The following DNAH14 variants were observed in gnomAD, a reference collection of about 807,000 sequenced individuals.
DNAH14 encodes the protein axonemal beta dynein heavy chain 14.
Under a neutral mutation model 520.9 loss-of-function variants are expected in DNAH14, and 478 were observed. That is an observed-to-expected ratio of 0.92 (90% CI 0.85 to 0.99). The LOEUF is 0.99. Ranked by LOEUF, DNAH14 falls within the 50% of genes least tolerant of loss-of-function variation. The probability of loss-of-function intolerance (pLI) is 0.00; values close to 1 mark genes in which losing one functional copy is unlikely to be tolerated. For synonymous variants in DNAH14, 1,581 were observed against 1,757.2 expected, an observed-to-expected ratio of 0.90 and a Z score of 2.51; for missense variants, 4,831 against 5,234.5, an observed-to-expected ratio of 0.92 and a Z score of 2.38.
chr1:225,006,678 T>G (rs956268603), intron 9 of DNAH14, among the ~76,000 whole-genome samples: 1 of 152,196 alleles, frequency 6.6e-6, no homozygotes, highest in African/African-American at 2.4e-5. Flanking sequence ...CTTAAGACAT[T>G]TATCGATGAC....
intron 3 of DNAH14, among the ~76,000 whole-genome samples, chr1:224,955,482 C>G (rs1484821118): frequency 6.6e-6 from 1 of 152,102 alleles, no homozygotes; most frequent in Non-Finnish European, 1.5e-5. Context: ...ATTGGTCTTA[C>G]CTACTAGTGT....
intron 55 of DNAH14, among the ~76,000 whole-genome samples, chr1:225,294,172 C>T (rs544712260): frequency 3.0e-4 from 46 of 152,046 alleles, no homozygotes; most frequent in Admixed American, 7.2e-4. Context: ...TTATTTAATG[C>T]CTTTTCAGCA....
intron 17 of DNAH14, among the ~76,000 whole-genome samples, chr1:225,069,448 A>G (rs1243785364): frequency 6.6e-6 from 1 of 152,146 alleles, no homozygotes; most frequent in South Asian, 2.1e-4. Context: ...CATTTTCTGC[A>G]TCTCTTAGAT....
intron 23 of DNAH14, among the ~76,000 whole-genome samples, chr1:225,107,126 G>T (rs573820049): frequency 8.5e-5 from 13 of 152,312 alleles, no homozygotes; most frequent in African/African-American, 2.4e-4. Context: ...GTCTGTTGGA[G>T]TTTGCCGGAG....
intron 52 of DNAH14, among the ~76,000 whole-genome samples, chr1:225,274,759 G>A (rs987098357): frequency 4.6e-5 from 7 of 152,146 alleles, no homozygotes; most frequent in Admixed American, 3.9e-4. Flanking sequence ...GGACAGCAAA[G>A]GCAACTACAG....
chr1:225,289,481 A>G (rs2093817307), intron 54 of DNAH14, among the ~76,000 whole-genome samples: 1 of 152,196 alleles, frequency 6.6e-6, no homozygotes, highest in Non-Finnish European at 1.5e-5. Flanking sequence ...TTACTTTGCC[A>G]TTATTCCCCA....
intron 21 of DNAH14, among the ~76,000 whole-genome samples, chr1:225,087,560 T>A (rs3101908): frequency 0.93 from 141,746 of 152,262 alleles, 66,192 homozygotes; most frequent in Non-Finnish European, 0.96. Context: ...TCCCTGAGAG[T>A]TGAGAAACAA....
At chr1:225,352,995 C>T (rs1393465846) in intron 72 of DNAH14, among the ~76,000 whole-genome samples, 5 of 151,996 alleles carry the variant, frequency 3.3e-5, no homozygotes, top group Non-Finnish European at 1.5e-5. Context: ...TCTTTATTGA[C>T]CCTTTTTGTA....
intron 79 of DNAH14, among the ~76,000 whole-genome samples, chr1:225,378,900 AAAAG>A (rs2095742507): frequency 6.6e-6 from 1 of 151,206 alleles, no homozygotes; most frequent in African/African-American, 2.4e-5. Context: ...AAAGAAAAGA[AAAAG>A]AAAAATCAGT....
chr1:225,299,917 C>T (rs1394518443), intron 55 of DNAH14, among the ~76,000 whole-genome samples: 2 of 152,176 alleles, frequency 1.3e-5, no homozygotes, highest in African/African-American at 4.8e-5. Flanking sequence ...CCTTCCCCAC[C>T]TGAACTGAAA....
At chr1:225,143,943 A>T (rs1029642179) in intron 28 of DNAH14, among the ~76,000 whole-genome samples, 8 of 152,346 alleles carry the variant, frequency 5.3e-5, no homozygotes, top group African/African-American at 1.9e-4. Context: ...CATGATATAA[A>T]TACAAATCAA....
chr1:225,311,713 C>T (rs2094368977), intron 60 of DNAH14, among the ~76,000 whole-genome samples: 1 of 152,098 alleles, frequency 6.6e-6, no homozygotes, highest in Non-Finnish European at 1.5e-5. Context: ...ATCCTTTCCC[C>T]ATTGCTGGTT....
chr1:225,188,389 A>G (rs1004347051), intron 37 of DNAH14, among the ~76,000 whole-genome samples: 22 of 152,088 alleles, frequency 1.4e-4, no homozygotes, highest in East Asian at 5.8e-4. Context: ...GATTACATTC[A>G]TATCAGTTTT....
At chr1:225,108,561 AT>A (rs1235913920) in intron 23 of DNAH14, among the ~76,000 whole-genome samples, 4 of 151,948 alleles carry the variant, frequency 2.6e-5, no homozygotes, top group South Asian at 2.1e-4. Context: ...TTTTTATTGC[AT>A]TTTTTCCTAT....
intron 38 of DNAH14, among the ~76,000 whole-genome samples, chr1:225,198,207 T>A (rs529960905): frequency 6.8e-6 from 1 of 148,008 alleles, no homozygotes; most frequent in South Asian, 2.2e-4. Flanking sequence ...TTGAGATATG[T>A]CCCTTGTATG....
chr1:225,010,490 G>A (rs756123559), intron 10 of DNAH14, among the ~76,000 whole-genome samples: 3 of 151,960 alleles, frequency 2.0e-5, no homozygotes, highest in Non-Finnish European at 2.9e-5. Context: ...TGCTGGATTC[G>A]GTTTGCCAAT....
At chr1:225,398,343 T>C (rs2096054675) in intron 84 of DNAH14, among the ~76,000 whole-genome samples, 177 bp from the exon 85 acceptor site, 2 of 152,240 alleles carry the variant, frequency 1.3e-5, no homozygotes, top group Non-Finnish European at 2.9e-5. Context: ...CCTAAGCCTA[T>C]GTCGTTTTTA....
intron 68 of DNAH14, among the ~76,000 whole-genome samples, chr1:225,339,928 C>A (rs1475176022): frequency 6.6e-6 from 1 of 152,182 alleles, no homozygotes; most frequent in African/African-American, 2.4e-5. Context: ...CCTCTCCTCC[C>A]AGGCTATTCT....
At chr1:225,139,231 C>A (rs915294083) in intron 27 of DNAH14, among the ~76,000 whole-genome samples, 1 of 152,164 alleles carries the variant, frequency 6.6e-6, no homozygotes, top group African/African-American at 2.4e-5. Context: ...TATAATGAAT[C>A]AATCTGCACA....
Sources: allele counts gnomAD v4.1 joint callset (sites outside exome capture counted in the v4.1 genomes callset), GRCh38; gene constraint gnomAD v4.1.1; transcripts MANE v1.5; gene names NCBI Gene and HGNC (gene_info 2026-07-23, HGNC 2026-07-21).